Variants in RDH14 observed in about 807,000 individuals in gnomAD.
The protein encoded by RDH14 is retinol dehydrogenase 14.
A neutral mutation model predicts 19.3 loss-of-function variants in RDH14; 17 were observed. That is an observed-to-expected ratio of 0.88 (90% CI 0.60 to 1.32). RDH14 has a LOEUF of 1.32. Ranked by LOEUF, RDH14 falls within the 40% of genes most tolerant of loss-of-function variation. The probability of loss-of-function intolerance (pLI) is 0.00; values close to 1 mark genes in which losing one functional copy is unlikely to be tolerated. For synonymous variants in RDH14, 215 were observed against 188.9 expected (o/e 1.14, Z -1.13); for missense variants, 534 against 449.2 (o/e 1.19, Z -1.71).
chr2:18,557,394 T>C (rs1045507566), intron 1 of RDH14, among the ~76,000 whole-genome samples: 1 of 152,224 alleles, frequency 6.6e-6, no homozygotes, highest in Non-Finnish European at 1.5e-5. Flanking sequence ...CATTCTGCCC[T>C]GTCTAAGCAT....
At chr2:18,556,464 C>T (rs913376446) in intron 1 of RDH14, among the ~76,000 whole-genome samples, 1 of 151,868 alleles carries the variant, frequency 6.6e-6, no homozygotes, top group Non-Finnish European at 1.5e-5. Flanking sequence ...TATGAGCTTC[C>T]AATAATTGAG....
chr2:18,559,224 C>T (rs991009290), intron 1 of RDH14, among the ~76,000 whole-genome samples: 1 of 152,202 alleles, frequency 6.6e-6, no homozygotes, highest in Non-Finnish European at 1.5e-5. Flanking sequence ...GCCAGTTATC[C>T]CTGCAAGAAA....
intron 1 of RDH14, among the ~76,000 whole-genome samples, chr2:18,558,301 A>ACAT (rs1558356229): frequency 6.6e-6 from 1 of 152,212 alleles, no homozygotes; most frequent in African/African-American, 2.4e-5. Context: ...AACAAAATAA[A>ACAT]CATATTATTT....
rs1380950216 is a variant in RDH14 at position 18,555,468 on chromosome 2, A to G, written c.734T>C (p.Leu245Ser). ...LEGTNVTVNV[L>S]HPGIVRTNLG... ...ATTTGTCCGTACAATACCAGGATGC[A>G]ACACATTGACGGTGACATTTGTGCC... Residue 245 changes from leucine (L) to serine (S), a missense_variant, in exon 2 of 2, where the codon TTG becomes TCG. Leu to Ser is a moderately radical substitution (Grantham distance 145). Transcript: ENST00000381249. 6 of 1,614,182 alleles carry G rather than the reference A, an allele frequency of 3.7e-6. No homozygotes were observed. In the South Asian group the frequency reaches 6.6e-5, roughly 18 times the overall value.
chr2:18,556,990 A>AGAT (rs1174239297), intron 1 of RDH14, among the ~76,000 whole-genome samples: 1 of 152,238 alleles, frequency 6.6e-6, no homozygotes, highest in Non-Finnish European at 1.5e-5. Flanking sequence ...GAATAATCAA[A>AGAT]GATTAAGAAA....
rs571090861 is a variant in RDH14, at chr2:18,560,551, C to G, written c.22G>C (p.Ala8Pro). 32 of 1,497,566 alleles carry G rather than the reference C, an allele frequency of 2.1e-5. No individual in the cohort carries two copies. The South Asian group carries it at 4.0e-4, about 19-fold the overall frequency. 92.8% of individuals were successfully genotyped at this position (1,497,566 alleles called of 1,614,324 possible). A position where few individuals can be genotyped will look rare whatever the true frequency, so the allele number is the denominator to read the frequency against. The stretch of plus-strand genomic sequence containing the variant: ...GCCCCGCCCAGAGCGGCCAGTACTG[C>G]CGCCGCAGTGGCCACTGCCATCGTC... The part of the protein sequence containing the change: MAVATAA[A>P]VLAALGGALW... Residue 8 changes from alanine (A) to proline (P), a missense_variant, in exon 1 of 2, where the codon GCA becomes CCA. By Grantham distance (27) the Ala-to-Pro change is conservative (BLOSUM62 -1). Transcript: ENST00000381249.
At position 18,560,213 on chromosome 2, in the gene RDH14, G is replaced by C. The variant is rs1477399247; in HGVS notation, c.360C>G (p.Arg120=). 2 of 1,527,882 alleles carry C rather than the reference G, an allele frequency of 1.3e-6. No individual in the cohort carries two copies. The highest frequency in any genetic ancestry group is 1.7e-6 in the Non-Finnish European group (2 of 1,143,942). The allele number at this position is 1,527,882 out of a possible 1,614,324, so 94.6% of individuals were successfully genotyped here. Reference sequence around the variant, plus strand: ...TTTCCTGGCAGAAGGCGCGCACCGAGCGCAGCGAGGCGAGGTCCAGCTCCC... The same window carrying C: ...TTTCCTGGCAGAAGGCGCGCACCGACCGCAGCGAGGCGAGGTCCAGCTCCC... The part of the protein sequence containing the change: ...IVRELDLASL[R]SVRAFCQEML... The change falls in exon 1 of 2, where the codon CGC becomes CGG. Residue 120 remains arginine (R), a synonymous_variant. Transcript: ENST00000381249.
rs1383122928 is a variant in RDH14 at position 18,554,765 on chromosome 2, G to A, written c.*426C>T. 3 of 176,536 alleles carry A rather than the reference G, an allele frequency of 1.7e-5. No homozygotes were observed. The highest frequency in any genetic ancestry group is 7.2e-5 in the African/African-American group (3 of 41,624). The allele number at this position is 176,536 out of a possible 1,614,324, so 10.9% of individuals were successfully genotyped here. A position where few individuals can be genotyped will look rare whatever the true frequency, so the allele number is the denominator to read the frequency against. Reference sequence around the variant, plus strand: ...TAAATTTATTCCAAGTAAGACTTGTGTGCACACACCAGGCAGATAATTTCC... The same window carrying A: ...TAAATTTATTCCAAGTAAGACTTGTATGCACACACCAGGCAGATAATTTCC... On this transcript the variant is annotated 3_prime_UTR_variant, in exon 2 of 2. Transcript: ENST00000381249.
chr2:18,555,706 G>T lies in RDH14; in HGVS notation c.496C>A (p.Leu166Met), dbSNP rs1053542632. Residue 166 changes from leucine to methionine, a missense_variant, in exon 2 of 2, where the codon CTG (leucine) becomes ATG (methionine). Coordinates refer to ENST00000381249, the MANE Select transcript of RDH14 (RefSeq NM_020905.4). Reference sequence around the variant, plus strand: ...AGATTGGTGAGTAGAAAGTGCCCCAGATGGTTCACTCCGAACTGCATCTCA... The same window carrying T: ...AGATTGGTGAGTAGAAAGTGCCCCATATGGTTCACTCCGAACTGCATCTCA... The part of the protein sequence containing the change: ...GFEMQFGVNH[L>M]GHFLLTNLLL... The T allele has an allele frequency of 1.2e-6, 2 of 1,614,020 alleles. No individual in the cohort carries two copies. Among genetic ancestry groups the T allele is most frequent in the Non-Finnish European group, 8.5e-7 (1 of 1,179,988 alleles).
At position 18,556,497 on chromosome 2, in the gene RDH14, A is replaced by T. The variant is rs146218921; in HGVS notation, c.394-689T>A. Among the ~76,000 whole-genome samples the T allele has an allele frequency of 2.6e-5, 4 of 152,342 alleles. No homozygotes were observed. In the East Asian group the frequency reaches 7.7e-4, roughly 29 times the overall value. On this transcript the variant is annotated intron_variant, in intron 1 of 1. Coordinates refer to ENST00000381249, the MANE Select transcript of RDH14 (RefSeq NM_020905.4). ...GAGAGAAAAATAGAAAAAAAAATAG[A>T]TGCAGAAGCTTGATAGGAGCCAGGC... is the stretch of plus-strand genomic sequence containing the variant.
At chr2:18,559,952 T>A (rs568054715) in intron 1 of RDH14, among the ~76,000 whole-genome samples, 2 of 152,272 alleles carry the variant, frequency 1.3e-5, no homozygotes, top group South Asian at 4.1e-4. Flanking sequence ...TTTTTCGACA[T>A]CCTTAGAGGA....
Position 18,560,641 on chromosome 2 carries a change from A to G in RDH14, c.-69T>C. 7.3e-7 allele frequency: 1 copy of G among 1,369,426 alleles called. No individual in the cohort carries two copies. Among genetic ancestry groups the G allele is most frequent in the Non-Finnish European group, 9.3e-7 (1 of 1,069,916 alleles). The allele number at this position is 1,369,426 out of a possible 1,614,324, so 84.8% of individuals were successfully genotyped here. On this transcript the variant is annotated 5_prime_UTR_variant, in exon 1 of 2. Transcript: ENST00000381249. Reference sequence around the variant, plus strand: ...AGCCGCCGCCTTACCGGAACCCAAGAGACCACCTGTACGCGGAGAACGCTG... The same window carrying G: ...AGCCGCCGCCTTACCGGAACCCAAGGGACCACCTGTACGCGGAGAACGCTG...
In RDH14 at chr2:18,555,375, A is replaced by C; in HGVS notation, c.827T>G (p.Phe276Cys). Reference sequence around the variant, plus strand: ...CTGGGCACCTTCTACTGGAGTTTTGAAAAAAGCCCATGACACCAAATTGAA... The same window carrying C: ...CTGGGCACCTTCTACTGGAGTTTTGCAAAAAGCCCATGACACCAAATTGAA... ...PLFNLVSWAFFKTPVEGAQTS... is the reference protein window; with the variant it reads ...PLFNLVSWAFCKTPVEGAQTS... The change falls in exon 2 of 2, where the codon TTC becomes TGC. Residue 276 changes from phenylalanine (F) to cysteine (C), a missense_variant. By Grantham distance (205) the Phe-to-Cys change is radical. Transcript: ENST00000381249. 1 of 1,614,056 alleles carries C rather than the reference A, an allele frequency of 6.2e-7. No homozygotes were observed. The highest frequency in any genetic ancestry group is 8.5e-7 in the Non-Finnish European group (1 of 1,179,968).
In RDH14 at chr2:18,560,605, G is replaced by C. The variant is rs1240161576; in HGVS notation, c.-33C>G. On this transcript the variant is annotated 5_prime_UTR_variant, in exon 1 of 2. Transcript: ENST00000381249. ...CCCGAGGGCCCACCGGCCCCTCCAC[G>C]GGAGTTCCGCAGCCGCCGCCTTACC... 1.4e-6 allele frequency: 2 copies of C among 1,392,296 alleles called. No individual in the cohort carries two copies. The highest frequency in any genetic ancestry group is 1.8e-6 in the Non-Finnish European group (2 of 1,083,732). 86.2% of individuals were successfully genotyped at this position (1,392,296 alleles called of 1,614,324 possible).
chr2:18,555,771 C>T lies in RDH14; in HGVS notation c.431G>A (p.Gly144Glu), dbSNP rs577971098. The T allele has an allele frequency of 1.9e-6, 3 of 1,612,734 alleles. No individual in the cohort carries two copies. The highest frequency in any genetic ancestry group is 2.5e-6 in the Non-Finnish European group (3 of 1,178,946). The change falls in exon 2 of 2, where the codon GGG becomes GAG. Residue 144 changes from glycine (G) to glutamate (E), a missense_variant. Transcript: ENST00000381249. ...PRLDVLINNAGIFQCPYMKTE... is the reference protein window; with the variant it reads ...PRLDVLINNAEIFQCPYMKTE... The stretch of plus-strand genomic sequence containing the variant: ...CTTCATGTAAGGGCACTGGAAGATC[C>T]CTGCGTTATTGATCAAGACATCCAG...
chr2:18,555,906 C>T lies in RDH14; in HGVS notation c.394-98G>A, dbSNP rs917493980. 2.0e-6 allele frequency: 3 copies of T among 1,488,368 alleles called. No homozygotes were observed. In the African/African-American group the frequency reaches 4.2e-5, roughly 21 times the overall value. The allele number at this position is 1,488,368 out of a possible 1,614,324, so 92.2% of individuals were successfully genotyped here. Reference sequence around the variant, plus strand: ...AATTACATTTTAATAAAAATGGGCACTTGAGACTAAAAGCATTTAATTTCA... The same window carrying T: ...AATTACATTTTAATAAAAATGGGCATTTGAGACTAAAAGCATTTAATTTCA... On this transcript the variant is annotated intron_variant, in intron 1 of 1. Coordinates refer to ENST00000381249, the MANE Select transcript of RDH14 (RefSeq NM_020905.4).
rs111233807 is a variant in RDH14, at chr2:18,554,938, C to T, written c.*253G>A. 14 of 368,080 alleles carry T rather than the reference C, an allele frequency of 3.8e-5. No individual in the cohort carries two copies. The highest frequency in any genetic ancestry group is 7.7e-4 in the Middle Eastern group (1 of 1,304). 22.8% of individuals were successfully genotyped at this position (368,080 alleles called of 1,614,324 possible). On this transcript the variant is annotated 3_prime_UTR_variant, in exon 2 of 2. Transcript: ENST00000381249. Reference sequence around the variant, plus strand: ...CCATGCTTGCCCAGTTATAATTTTACAATATAATTGTATTTTTCATTGTAC... The same window carrying T: ...CCATGCTTGCCCAGTTATAATTTTATAATATAATTGTATTTTTCATTGTAC...
intron 1 of RDH14, 92 bp downstream of exon 1, chr2:18,560,088 G>A: frequency 3.6e-6 from 5 of 1,373,296 alleles, no homozygotes; most frequent in South Asian, 1.4e-5. Flanking sequence ...CTGAACCCCA[G>A]GGCGGTCCCT....
chr2:18,560,373 C>T lies in RDH14; in HGVS notation c.200G>A (p.Gly67Glu), dbSNP rs1223121729. Reference sequence around the variant, plus strand: ...CCGGCAGCCCATGATCACCCGCGCTCCCAGGCGCAGTAGCTCGGCGGCCGT... The same window carrying T: ...CCGGCAGCCCATGATCACCCGCGCTTCCAGGCGCAGTAGCTCGGCGGCCGT... ...RATAAELLRL[G>E]ARVIMGCRDR... The change falls in exon 1 of 2, where the codon GGA becomes GAA. Residue 67 changes from glycine to glutamate, a missense_variant. Gly to Glu is a moderately conservative substitution (Grantham distance 98). Transcript: ENST00000381249. 5.4e-6 allele frequency: 8 copies of T among 1,470,656 alleles called. No homozygotes were observed. The highest frequency in any genetic ancestry group is 5.0e-5 in the Admixed American group (2 of 40,266). 91.1% of individuals were successfully genotyped at this position (1,470,656 alleles called of 1,614,324 possible).
Sources: allele counts gnomAD v4.1 joint callset (sites outside exome capture counted in the v4.1 genomes callset), GRCh38; gene constraint gnomAD v4.1.1; transcripts MANE v1.5; gene names NCBI Gene and HGNC (gene_info 2026-07-23, HGNC 2026-07-21).